Variants in GPR39 observed in about 807,000 individuals in gnomAD.
GPR39 encodes zinc sensing receptor.
Under a neutral mutation model 18.4 loss-of-function variants are expected in GPR39, and 23 were observed. The observed-to-expected ratio is 1.25, with a 90% confidence interval of 0.90 to 1.77. The LOEUF is 1.77. GPR39 is among the 40% of genes most tolerant of loss of function. The pLI is 0.00. For missense variants in GPR39, 647 were observed against 602.4 expected (o/e 1.07, Z -0.78); for synonymous variants, 280 against 257.9 (o/e 1.09, Z -0.82).
chr2:132,499,259 T>C (rs1681707780), intron 1 of GPR39, among the ~76,000 whole-genome samples: 1 of 152,190 alleles, frequency 6.6e-6, no homozygotes. Flanking sequence ...GAGGATCCAG[T>C]TTCATTCTTC....
intron 1 of GPR39, among the ~76,000 whole-genome samples, chr2:132,460,169 C>G (rs1013619055): frequency 6.6e-6 from 1 of 152,134 alleles, no homozygotes; most frequent in Non-Finnish European, 1.5e-5. Context: ...TACCCTTGCT[C>G]CCAGACTCCT....
rs377429278 is a variant in GPR39, at chr2:132,417,817, G to A, written c.775G>A (p.Gly259Arg). The A allele has an allele frequency of 1.7e-5, 28 of 1,613,718 alleles. No homozygotes were observed. The African/African-American group carries it at 3.5e-4, about 20-fold the overall frequency. Residue 259 changes from glycine (G) to arginine (R), a missense_variant, in exon 1 of 2, where the codon GGG becomes AGG. Gly to Arg is a moderately radical substitution (Grantham distance 125, BLOSUM62 -2). Around this residue, in one of 3 missense-constraint regions of GPR39, gnomAD observed 581 missense variants for 506.8 expected, o/e 1.15. Coordinates refer to ENST00000329321, the MANE Select transcript of GPR39 (RefSeq NM_001508.3). ...LMKSQKGSLA[G>R]GTRPPQLRKS... ...GAAAAGCCAGAAGGGCTCGCTGGCC[G>A]GGGGCACGCGGCCTCCGCAGCTGAG...
intron 1 of GPR39, among the ~76,000 whole-genome samples, chr2:132,479,128 A>T (rs567552075): frequency 6.6e-6 from 1 of 152,362 alleles, no homozygotes; most frequent in South Asian, 2.1e-4. Context: ...ATTACACATT[A>T]AAGTGTTGAA....
intron 1 of GPR39, among the ~76,000 whole-genome samples, chr2:132,612,311 T>A (rs756494279): frequency 6.6e-6 from 1 of 151,350 alleles, no homozygotes; most frequent in South Asian, 2.1e-4. Context: ...AGCCTCCCCC[T>A]CCCCTCAGTC....
At chr2:132,616,980 C>A (rs191030564) in intron 1 of GPR39, among the ~76,000 whole-genome samples, 38 of 152,318 alleles carry the variant, frequency 2.5e-4, no homozygotes, top group African/African-American at 9.1e-4. Flanking sequence ...CAAACCCATT[C>A]ATAGAGACAT....
At chr2:132,440,058 C>G (rs1438054843) in intron 1 of GPR39, among the ~76,000 whole-genome samples, 2 of 152,170 alleles carry the variant, frequency 1.3e-5, no homozygotes, top group Non-Finnish European at 2.9e-5. Context: ...GACCACAGAA[C>G]CCTCCTAACA....
At chr2:132,567,755 A>G (rs181626672) in intron 1 of GPR39, among the ~76,000 whole-genome samples, 16 of 152,136 alleles carry the variant, frequency 1.1e-4, no homozygotes, top group African/African-American at 3.4e-4. Context: ...CTGCATATTA[A>G]TAACACCTGA....
intron 1 of GPR39, among the ~76,000 whole-genome samples, chr2:132,474,711 C>T (rs1057211748): frequency 1.1e-4 from 16 of 152,236 alleles, no homozygotes; most frequent in African/African-American, 3.6e-4. Context: ...CCTTGCTGCA[C>T]ATTATGCTAA....
chr2:132,521,686 C>G (rs868373241), intron 1 of GPR39, among the ~76,000 whole-genome samples: 1 of 101,788 alleles, frequency 9.8e-6, no homozygotes, highest in Non-Finnish European at 2.0e-5. Context: ...TCTCCGGGAT[C>G]TTGTTCTTTT....
intron 1 of GPR39, among the ~76,000 whole-genome samples, chr2:132,437,525 C>T (rs148273193): frequency 1.9e-4 from 29 of 152,210 alleles, no homozygotes; most frequent in African/African-American, 5.8e-4. Flanking sequence ...GCAGCTGCTC[C>T]GTGTCATGTC....
At chr2:132,614,487 C>A (rs1207672011) in intron 1 of GPR39, among the ~76,000 whole-genome samples, 1 of 152,142 alleles carries the variant, frequency 6.6e-6, no homozygotes. Flanking sequence ...GATCCACATA[C>A]CTCGGCCTCC....
At chr2:132,436,762 G>A (rs571710770) in intron 1 of GPR39, among the ~76,000 whole-genome samples, 3 of 152,142 alleles carry the variant, frequency 2.0e-5, no homozygotes, top group Non-Finnish European at 4.4e-5. Context: ...GTGCTGGCTT[G>A]GTGCTTCTGC....
At chr2:132,456,112 A>G (rs1286821459) in intron 1 of GPR39, among the ~76,000 whole-genome samples, 1 of 152,148 alleles carries the variant, frequency 6.6e-6, no homozygotes, top group Non-Finnish European at 1.5e-5. Context: ...TGGGAGTCTA[A>G]GTCTCTTTGT....
At chr2:132,437,519 C>A (rs1326603744) in intron 1 of GPR39, among the ~76,000 whole-genome samples, 1 of 152,150 alleles carries the variant, frequency 6.6e-6, no homozygotes, top group East Asian at 1.9e-4. Flanking sequence ...CCTGAGGCAG[C>A]TGCTCCGTGT....
At position 132,553,433 on chromosome 2, in the gene GPR39, T is replaced by A. The variant is rs144899469; in HGVS notation, c.857-91668T>A. ...ATATGTACACACACAAATATATACA[T>A]ATATATATATACCATTAGATGTATG... On this transcript the variant is annotated intron_variant, in intron 1 of 1. Transcript: ENST00000329321. Among the ~76,000 whole-genome samples the A allele has an allele frequency of 5.2e-3, 785 of 150,916 alleles. 3 individuals are homozygous for A. The highest frequency in any genetic ancestry group is 8.2e-3 in the Non-Finnish European group (554 of 67,734).
chr2:132,443,758 T>C (rs1011058395), intron 1 of GPR39, among the ~76,000 whole-genome samples: 1 of 152,248 alleles, frequency 6.6e-6, no homozygotes, highest in African/African-American at 2.4e-5. Context: ...TATAAAACCC[T>C]AACTTTAAAC....
intron 1 of GPR39, among the ~76,000 whole-genome samples, chr2:132,557,350 T>G (rs1457194116): frequency 6.6e-6 from 1 of 152,088 alleles, no homozygotes; most frequent in African/African-American, 2.4e-5. Flanking sequence ...TTGTAGGATT[T>G]TTTAGTGTGT....
chr2:132,644,999 C>T (rs951157474), intron 1 of GPR39, 102 bp from the exon 2 acceptor site: 4 of 1,359,648 alleles, frequency 2.9e-6, no homozygotes, highest in Non-Finnish European at 4.0e-6. Flanking sequence ...CCAGTAAGCA[C>T]AGAACAGAGG....
chr2:132,544,795 C>T (rs865783392), intron 1 of GPR39, among the ~76,000 whole-genome samples: 1 of 152,154 alleles, frequency 6.6e-6, no homozygotes, highest in Non-Finnish European at 1.5e-5. Context: ...AGAGGACAGA[C>T]CACCTGAAGT....
Sources: allele counts gnomAD v4.1 joint callset (sites outside exome capture counted in the v4.1 genomes callset), GRCh38; gene constraint gnomAD v4.1.1; regional missense constraint gnomAD v4.1.1; transcripts MANE v1.5; gene names NCBI Gene and HGNC (gene_info 2026-07-23, HGNC 2026-07-21).